ZNF641: variants seen among roughly 807,000 people sequenced by gnomAD.
ZNF641 encodes the protein zinc finger protein 641.
In ZNF641, 26 loss-of-function variants were observed where a neutral mutation model predicts 46.2. The observed-to-expected ratio is 0.56, with a 90% CI of 0.41 to 0.78. The LOEUF is 0.78. Among genes scored for constraint, ZNF641 ranks in the 30% least tolerant of loss-of-function variants. The pLI, the probability that ZNF641 is intolerant of heterozygous loss-of-function variation, is 0.00. For missense variants in ZNF641, 469 were observed against 517.8 expected, an observed-to-expected ratio of 0.91 and a Z score of 0.91; for synonymous variants, 163 against 187.9, an observed-to-expected ratio of 0.87 and a Z score of 1.09.
At chr12:48,345,511 T>C (rs2136182374) in intron 3 of ZNF641, 37 bp from the exon 4 acceptor site, 1 of 1,612,982 alleles carries the variant, frequency 6.2e-7, no homozygotes, top group East Asian at 2.2e-5. Flanking sequence ...CAGCAGCTGT[T>C]TTTTAAGGAA....
Position 48,341,967 on chromosome 12 carries a change from C to CT in ZNF641, c.*1005dup. On this transcript the variant is annotated 3_prime_UTR_variant, in exon 6 of 6. Transcript: ENST00000547026. ...AAGAAAAAACCCCATATAATCCCCA[C>CT]TACCCTCATCCCCAGAACACAGCCC... 1 of 985,504 alleles carries CT rather than the reference C, an allele frequency of 1.0e-6. No individual in the cohort carries two copies. The allele number at this position is 985,504 out of a possible 1,614,324, so 61.0% of individuals were successfully genotyped here. A position where few individuals can be genotyped will look rare whatever the true frequency, so the allele number is the denominator to read the frequency against.
rs574070211 is a variant in ZNF641 at position 48,340,177 on chromosome 12, C to G, written c.*2796G>C. ...TTGTCCAAGAGAGGTGGTGTTGGAC[C>G]GAGGTAGAGAAGACAGTGGTACACC... On this transcript the variant is annotated 3_prime_UTR_variant, in exon 6 of 6. Transcript: ENST00000547026. The G allele has an allele frequency of 1.6e-4, 158 of 985,310 alleles. 1 individual carries two copies. Among genetic ancestry groups the G allele is most frequent in the Non-Finnish European group, 3.0e-5 (25 of 829,922 alleles). The allele number at this position is 985,310 out of a possible 1,614,324, so 61.0% of individuals were successfully genotyped here.
downstream of ZNF641, among the ~76,000 whole-genome samples, chr12:48,335,258 CCTTA>C (rs1353577740): frequency 6.6e-6 from 1 of 152,170 alleles, no homozygotes; most frequent in Non-Finnish European, 1.5e-5. Context: ...TTCTACTCTG[CCTTA>C]CTTACTCTCT....
intron 2 of ZNF641, among the ~76,000 whole-genome samples, chr12:48,347,563 T>C (rs1952912401): frequency 6.6e-6 from 1 of 152,264 alleles, no homozygotes; most frequent in Non-Finnish European, 1.5e-5. Flanking sequence ...GAATTTACAG[T>C]ACTTGAATGT....
In ZNF641 at chr12:48,339,413, T is replaced by C. The variant is rs1952670541; in HGVS notation, c.*3560A>G. ...CTTCCCGAGTTTCTGATTCAGTAGTTCTCCTGGGGCGGGGGCTAAGAATTT... is the reference window on the plus strand; with the variant it reads ...CTTCCCGAGTTTCTGATTCAGTAGTCCTCCTGGGGCGGGGGCTAAGAATTT... On this transcript the variant is annotated 3_prime_UTR_variant, in exon 6 of 6. Transcript: ENST00000547026. 6.6e-6 allele frequency: 1 copy of C among 152,166 alleles called. No individual in the cohort carries two copies. Among genetic ancestry groups the C allele is most frequent in the African/African-American group, 2.4e-5 (1 of 41,422 alleles). The allele number at this position is 152,166 out of a possible 1,614,324, so 9.4% of individuals were successfully genotyped here. A position where few individuals can be genotyped will look rare whatever the true frequency, so the allele number is the denominator to read the frequency against.
At chr12:48,348,407 A>G (rs1952939373) in intron 1 of ZNF641, among the ~76,000 whole-genome samples, 1 of 152,264 alleles carries the variant, frequency 6.6e-6, no homozygotes, top group South Asian at 2.1e-4. Context: ...ATTTAAAAAA[A>G]AAGAACTGTC....
At position 48,344,659 on chromosome 12, in the gene ZNF641, G is replaced by T. The variant is rs747074762; in HGVS notation, c.460C>A (p.Gln154Lys). The T allele has an allele frequency of 1.1e-5, 17 of 1,613,492 alleles. No homozygotes were observed. In the Admixed American group the frequency reaches 1.5e-4, roughly 14 times the overall value. The change falls in exon 5 of 6, where the codon CAA (glutamine) becomes AAA (lysine). Residue 154 changes from glutamine to lysine, a missense_variant. Coordinates refer to ENST00000547026, the MANE Select transcript of ZNF641 (RefSeq NM_001172681.2). The stretch of plus-strand genomic sequence containing the variant: ...AAGTCCTGGGGGTCAGGGACCCATT[G>T]TTCTTCTCCTCCTTCTAGTTGAGAA... ...MLSQLEGGEE[Q>K]WVPDPQDLEE...
In ZNF641 at chr12:48,343,686, C is replaced by CT; in HGVS notation, c.561dup (p.Ala188SerfsTer12). 1 of 1,526,560 alleles carries CT rather than the reference C, an allele frequency of 6.6e-7. No individual in the cohort carries two copies. The highest frequency in any genetic ancestry group is 8.8e-7 in the Non-Finnish European group (1 of 1,138,214). 94.6% of individuals were successfully genotyped at this position (1,526,560 alleles called of 1,614,324 possible). A position where few individuals can be genotyped will look rare whatever the true frequency, so the allele number is the denominator to read the frequency against. On this transcript the variant is annotated frameshift_variant, in exon 6 of 6. Coordinates refer to ENST00000547026, the MANE Select transcript of ZNF641 (RefSeq NM_001172681.2). LOFTEE classifies it high-confidence loss of function. ...CTGGATAACATTCTGGGAGGTTCTGCTTCTAGTTCAGGGGTATCCCCCTCA... is the reference window on the plus strand; with the variant it reads ...CTGGATAACATTCTGGGAGGTTCTGCTTTCTAGTTCAGGGGTATCCCCCTCA...
In ZNF641 at chr12:48,342,744, T is replaced by C; in HGVS notation, c.*229A>G. The C allele has an allele frequency of 1.2e-5, 16 of 1,343,858 alleles. No homozygotes were observed. Among genetic ancestry groups the C allele is most frequent in the Non-Finnish European group, 1.5e-5 (15 of 1,034,168 alleles). The allele number at this position is 1,343,858 out of a possible 1,614,324, so 83.2% of individuals were successfully genotyped here. A position where few individuals can be genotyped will look rare whatever the true frequency, so the allele number is the denominator to read the frequency against. On this transcript the variant is annotated 3_prime_UTR_variant, in exon 6 of 6. Transcript: ENST00000547026. Reference sequence around the variant, plus strand: ...ACAGCTCAGGCTGAATATCAGCCCATGTAGGATGCATTGCTTCCCAAAAGT... The same window carrying C: ...ACAGCTCAGGCTGAATATCAGCCCACGTAGGATGCATTGCTTCCCAAAAGT...
Position 48,343,114 on chromosome 12 carries a change from C to A in ZNF641, c.1134G>T (p.Leu378=). ...GRRHHLVRHW[L]THTGEKPFQC... is the part of the protein sequence containing the mutation. ...GGAAGGGCTTCTCCCCAGTGTGGGT[C>A]AGCCAGTGTCTCACAAGGTGGTGCC... The change falls in exon 6 of 6, where the codon CTG becomes CTT. Residue 378 remains leucine (L), a synonymous_variant. Coordinates refer to ENST00000547026, the MANE Select transcript of ZNF641 (RefSeq NM_001172681.2). 6.2e-7 allele frequency: 1 copy of A among 1,613,926 alleles called. No individual in the cohort carries two copies. Among genetic ancestry groups the A allele is most frequent in the Admixed American group, 1.7e-5 (1 of 60,024 alleles).
chr12:48,345,037 GT>G (rs1292280738), intron 4 of ZNF641, among the ~76,000 whole-genome samples: 4 of 151,916 alleles, frequency 2.6e-5, no homozygotes, highest in African/African-American at 9.7e-5. Flanking sequence ...CCTCTACATG[GT>G]TCCCAAGTTT....
rs758906566 is a variant in ZNF641 at position 48,342,350 on chromosome 12, T to C, written c.*623A>G. 18 of 985,678 alleles carry C rather than the reference T, an allele frequency of 1.8e-5. No individual in the cohort carries two copies. The highest frequency in any genetic ancestry group is 1.9e-5 in the Non-Finnish European group (16 of 830,262). The allele number at this position is 985,678 out of a possible 1,614,324, so 61.1% of individuals were successfully genotyped here. A position where few individuals can be genotyped will look rare whatever the true frequency, so the allele number is the denominator to read the frequency against. On this transcript the variant is annotated 3_prime_UTR_variant, in exon 6 of 6. Transcript: ENST00000547026. Reference sequence around the variant, plus strand: ...ATGAACAAGGTCTGGCCCCCCTGGCTTTCATATGGATAAAAAAGGGGGCTC... The same window carrying C: ...ATGAACAAGGTCTGGCCCCCCTGGCCTTCATATGGATAAAAAAGGGGGCTC...
In ZNF641 at chr12:48,350,859, T is replaced by A. The variant is rs1953016077; in HGVS notation, c.-99A>T. The A allele has an allele frequency of 3.0e-6, 3 of 984,860 alleles. No homozygotes were observed. Among genetic ancestry groups the A allele is most frequent in the Non-Finnish European group, 3.6e-6 (3 of 829,772 alleles). 61.0% of individuals were successfully genotyped at this position (984,860 alleles called of 1,614,324 possible). On this transcript the variant is annotated 5_prime_UTR_variant, in exon 1 of 6. Transcript: ENST00000547026. Reference sequence around the variant, plus strand: ...CTGCCCCTCCCCTCCGCCCTCCGCTTGCGTCTGGGAGCCGGCGGCCGGCGG... The same window carrying A: ...CTGCCCCTCCCCTCCGCCCTCCGCTAGCGTCTGGGAGCCGGCGGCCGGCGG...
Position 48,343,254 on chromosome 12 carries a change from T to C in ZNF641, c.994A>G (p.Lys332Glu). The change falls in exon 6 of 6, where the codon AAA (lysine) becomes GAA (glutamate). Residue 332 changes from lysine to glutamate, a missense_variant. Around this residue, in one of 3 missense-constraint regions of ZNF641, gnomAD observed 346 missense variants for 354.0 expected, o/e 0.98. Transcript: ENST00000547026. ...ASHQRVHAEG[K>E]SCKGQEVGES... ...CCAACCTCTTGGCCTTTGCAGGATT[T>C]GCCTTCTGCATGCACTCTCTGGTGG... The C allele has an allele frequency of 6.2e-7, 1 of 1,614,274 alleles. No individual in the cohort carries two copies. The highest frequency in any genetic ancestry group is 2.2e-5 in the East Asian group (1 of 44,882).
In ZNF641 at chr12:48,347,265, G is replaced by GC; in HGVS notation, c.262dup (p.Ala88GlyfsTer71). The GC allele has an allele frequency of 6.2e-7, 1 of 1,613,942 alleles. No homozygotes were observed. Among genetic ancestry groups the GC allele is most frequent in the Non-Finnish European group, 8.5e-7 (1 of 1,179,860 alleles). ...AGCAGAGCTCACCTGTGATCCAGCC[G>GC]CAAGAAGTGCAGCTGCCATCTCCCA... On this transcript the variant is annotated frameshift_variant, in exon 3 of 6. Coordinates refer to ENST00000547026, the MANE Select transcript of ZNF641 (RefSeq NM_001172681.2). LOFTEE classifies it high-confidence loss of function.
At chr12:48,350,714 C>T in intron 1 of ZNF641, 72 bp downstream of exon 1, 1 of 613,924 alleles carries the variant, frequency 1.6e-6, no homozygotes, top group Non-Finnish European at 2.0e-6. Flanking sequence ...TGACCGAGCC[C>T]CCACCAGCCG....
intron 3 of ZNF641, among the ~76,000 whole-genome samples, chr12:48,346,862 T>A (rs966917449): frequency 4.6e-5 from 7 of 152,086 alleles, no homozygotes; most frequent in African/African-American, 1.4e-4. Flanking sequence ...AACACAAAAA[T>A]TAGCTAGGTG....
In ZNF641 at chr12:48,339,998, G is replaced by A; in HGVS notation, c.*2975C>T. On this transcript the variant is annotated 3_prime_UTR_variant, in exon 6 of 6. Transcript: ENST00000547026. ...AAAAATGTGACAGGTTCCTGAAGAT[G>A]ATATCCCTGTTTTACATTTTGCCCA... 1.0e-6 allele frequency: 1 copy of A among 985,388 alleles called. No homozygotes were observed. Among genetic ancestry groups the A allele is most frequent in the Non-Finnish European group, 1.2e-6 (1 of 829,922 alleles). The allele number at this position is 985,388 out of a possible 1,614,324, so 61.0% of individuals were successfully genotyped here.
In ZNF641 at chr12:48,345,328, G is replaced by C. The variant is rs1952838765; in HGVS notation, c.406+17C>G. 6.2e-7 allele frequency: 1 copy of C among 1,613,188 alleles called. No homozygotes were observed. Among genetic ancestry groups the C allele is most frequent in the Admixed American group, 1.7e-5 (1 of 59,986 alleles). ...CCAGAGTCCAATCTTCTAGTGGCTG[G>C]AGAAGGTCATGCTTACTCAGAGAGA... is the stretch of plus-strand genomic sequence containing the variant. On this transcript the variant is annotated intron_variant, in intron 4 of 5. Transcript: ENST00000547026.
Sources: allele counts gnomAD v4.1 joint callset (sites outside exome capture counted in the v4.1 genomes callset), GRCh38; gene constraint gnomAD v4.1.1; regional missense constraint gnomAD v4.1.1; transcripts MANE v1.5; gene names NCBI Gene and HGNC (gene_info 2026-07-23, HGNC 2026-07-21).